The following SF3A3 variants were observed in gnomAD, a reference collection of about 807,000 sequenced individuals.
SF3A3 encodes splicing factor 3a subunit 3, also known as SAP 61.
SF3A3 carries 9 observed loss-of-function variants against 85.8 expected under a neutral mutation model. The observed-to-expected ratio is 0.10, with a 90% CI of 0.06 to 0.18. The LOEUF (loss-of-function observed/expected upper bound fraction) is 0.18. SF3A3 is among the 10% of genes least tolerant of loss of function. The probability of loss-of-function intolerance (pLI) is 1.00; values close to 1 mark genes in which losing one functional copy is unlikely to be tolerated. For synonymous variants in SF3A3, 195 were observed against 204.4 expected (o/e 0.95, Z 0.39); for missense variants, 306 against 593.3 (o/e 0.52, Z 5.03).
intron 14 of SF3A3, among the ~76,000 whole-genome samples, chr1:37,968,953 T>G (rs1254927250): frequency 2.6e-5 from 4 of 152,174 alleles, no homozygotes; most frequent in Non-Finnish European, 5.9e-5. Context: ...ATTTTTTATT[T>G]TCTCAAGAGG....
intron 15 of SF3A3, among the ~76,000 whole-genome samples, chr1:37,967,677 C>CAAAAAAAAAAAAAA (rs34369006): frequency 2.3e-5 from 1 of 44,276 alleles, no homozygotes; most frequent in Non-Finnish European, 3.7e-5. Context: ...GACTCCGTCA[C>CAAAAAAAAAAAAAA]AAAAAAAAAA....
Position 37,978,669 on chromosome 1 carries a change from T to C in SF3A3, c.935+51A>G, listed in dbSNP as rs765275440. 7 of 1,201,562 alleles carry C rather than the reference T, an allele frequency of 5.8e-6. No individual in the cohort carries two copies. In the East Asian group the frequency reaches 1.0e-4, roughly 18 times the overall value. The allele number at this position is 1,201,562 out of a possible 1,614,324, so 74.4% of individuals were successfully genotyped here. Reference sequence around the variant, plus strand: ...CTCCACTGTGGTTAAAAATTCTGCATGGGAATAACATTTAAAAGCCACAAG... The same window carrying C: ...CTCCACTGTGGTTAAAAATTCTGCACGGGAATAACATTTAAAAGCCACAAG... On this transcript the variant is annotated intron_variant, in intron 11 of 16. Coordinates refer to ENST00000373019, the MANE Select transcript of SF3A3 (RefSeq NM_006802.4).
At chr1:37,988,150 T>A (rs1394462325) in intron 2 of SF3A3, among the ~76,000 whole-genome samples, 3 of 152,176 alleles carry the variant, frequency 2.0e-5, no homozygotes, top group Non-Finnish European at 4.4e-5. Context: ...TGTAACAGAC[T>A]CACCCTCTTT....
intron 2 of SF3A3, among the ~76,000 whole-genome samples, chr1:37,988,857 T>TTTTGTG (rs1553166492): frequency 1.6e-4 from 24 of 146,662 alleles, no homozygotes; most frequent in South Asian, 4.3e-4. Context: ...ACGGGGTGTG[T>TTTTGTG]TGTGTGTGTG....
rs570774238 is a variant in SF3A3, at chr1:37,984,954, C to T, written c.304-175G>A. On this transcript the variant is annotated intron_variant, in intron 4 of 16. Transcript: ENST00000373019. ...ACCCGAGTAGCTGGGATTATAGGCA[C>T]ACACCACCACGCTTGGCTAATTCTT... Among the ~76,000 whole-genome samples the T allele has an allele frequency of 3.2e-4, 48 of 152,252 alleles. No individual in the cohort carries two copies. The South Asian group carries it at 6.8e-3, about 22-fold the overall frequency.
chr1:37,985,245 C>T lies in SF3A3; in HGVS notation c.304-466G>A, dbSNP rs182528280. Among the ~76,000 whole-genome samples, 6 of 152,330 alleles carry T rather than the reference C, an allele frequency of 3.9e-5. No individual in the cohort carries two copies. The East Asian group carries it at 1.2e-3, about 29-fold the overall frequency. ...GTTCTCCAATTACCTTGTTTTTCCC[C>T]GCTTTTTTGTACTGTTTGAGTAAAA... is the stretch of plus-strand genomic sequence containing the variant. On this transcript the variant is annotated intron_variant, in intron 4 of 16. Coordinates refer to ENST00000373019, the MANE Select transcript of SF3A3 (RefSeq NM_006802.4).
chr1:37,960,077 A>G, intron 16 of SF3A3, 43 bp downstream of exon 16: 1 of 1,553,150 alleles, frequency 6.4e-7, no homozygotes, highest in Non-Finnish European at 8.9e-7. Context: ...GGAGCTCTCT[A>G]TCACTTGACA....
intron 11 of SF3A3, among the ~76,000 whole-genome samples, chr1:37,977,603 C>A (rs1646387343): frequency 6.6e-6 from 1 of 152,076 alleles, no homozygotes; most frequent in Non-Finnish European, 1.5e-5. Flanking sequence ...CTGTGGGAGG[C>A]TGAGGCAGGT....
At chr1:37,966,988 G>A (rs1473818450) in intron 15 of SF3A3, among the ~76,000 whole-genome samples, 4 of 133,454 alleles carry the variant, frequency 3.0e-5, no homozygotes, top group Non-Finnish European at 4.7e-5. Context: ...GGTGGCTCAC[G>A]CCTGTTATCC....
rs149578081 is a variant in SF3A3 at position 37,977,402 on chromosome 1, G to A, written c.936-449C>T. Among the ~76,000 whole-genome samples, 455 of 152,214 alleles carry A rather than the reference G, an allele frequency of 3.0e-3. 3 individuals are homozygous for A. Among genetic ancestry groups the A allele is most frequent in the African/African-American group, 0.01 (436 of 41,552 alleles). ...GTTGTTGTGAGAATTAGAAAAAAAC[G>A]TACATTAAGAAAATACTGGGCCAGG... On this transcript the variant is annotated intron_variant, in intron 11 of 16. Coordinates refer to ENST00000373019, the MANE Select transcript of SF3A3 (RefSeq NM_006802.4).
At chr1:37,987,514 C>T (rs1180004189) in intron 4 of SF3A3, 59 bp downstream of exon 4, 4 of 1,257,102 alleles carry the variant, frequency 3.2e-6, no homozygotes, top group Non-Finnish European at 4.6e-6. Flanking sequence ...TTCCTTTATA[C>T]CTTTCCTTTA....
chr1:37,975,574 C>T (rs1445075682), intron 12 of SF3A3, among the ~76,000 whole-genome samples: 1 of 151,976 alleles, frequency 6.6e-6, no homozygotes, highest in Non-Finnish European at 1.5e-5. Context: ...CATGAGTGGC[C>T]TCCCAGCCAC....
At position 37,978,747 on chromosome 1, in the gene SF3A3, T is replaced by C. The variant is rs748395523; in HGVS notation, c.908A>G (p.Lys303Arg). The change falls in exon 11 of 17, where the codon AAA (lysine) becomes AGA (arginine). Residue 303 changes from lysine (K) to arginine (R), a missense_variant. Lys to Arg is a conservative substitution (Grantham distance 26). Transcript: ENST00000373019. ...LESLDTSLFA[K>R]NPKSKGTKRD... is the part of the protein sequence containing the mutation. ...CTTGGTGCCCTTTGACTTGGGATTT[T>C]TGGCAAACAAAGAGGTATCAAGTGA... is the stretch of plus-strand genomic sequence containing the variant. 5.1e-6 allele frequency: 8 copies of C among 1,567,056 alleles called. No homozygotes were observed. In the Admixed American group the frequency reaches 9.4e-5, roughly 18 times the overall value.
chr1:37,965,546 G>A (rs921740550), intron 15 of SF3A3, among the ~76,000 whole-genome samples: 1 of 151,862 alleles, frequency 6.6e-6, no homozygotes, highest in African/African-American at 2.4e-5. Flanking sequence ...TTGAGTACAG[G>A]ACTTTAAGAC....
chr1:37,964,370 C>G (rs1406311074), intron 15 of SF3A3, among the ~76,000 whole-genome samples: 1 of 152,058 alleles, frequency 6.6e-6, no homozygotes, highest in East Asian at 1.9e-4. Flanking sequence ...TTTGGGAAGC[C>G]AAGGCAGGCA....
Position 37,982,757 on chromosome 1 carries a change from T to C in SF3A3, c.469-946A>G, listed in dbSNP as rs534315579. Among the ~76,000 whole-genome samples, 14 of 152,244 alleles carry C rather than the reference T, an allele frequency of 9.2e-5. No individual in the cohort carries two copies. The South Asian group carries it at 1.7e-3, about 18-fold the overall frequency. Reference sequence around the variant, plus strand: ...AAAGATCATGTTGTTTTATTTTCCATGTACCTAGTATTGTTTGTGTCTAAA... The same window carrying C: ...AAAGATCATGTTGTTTTATTTTCCACGTACCTAGTATTGTTTGTGTCTAAA... On this transcript the variant is annotated intron_variant, in intron 6 of 16. Coordinates refer to ENST00000373019, the MANE Select transcript of SF3A3 (RefSeq NM_006802.4).
At chr1:37,967,912 A>G (rs1487190912) in intron 15 of SF3A3, 132 bp downstream of exon 15, 1 of 665,708 alleles carries the variant, frequency 1.5e-6, no homozygotes, top group African/African-American at 1.8e-5. Flanking sequence ...CAATAATTAT[A>G]CAACTGTCCT....
At position 37,990,010 on chromosome 1, in the gene SF3A3, G is replaced by A. The variant is rs768127719; in HGVS notation, c.-45C>T. ...CTCAATTCAGACCACCAACACGGCC[G>A]GAAGCAACTCCTGCCGCCCAGCGCG... On this transcript the variant is annotated 5_prime_UTR_variant, in exon 1 of 17. Transcript: ENST00000373019. 8 of 1,440,292 alleles carry A rather than the reference G, an allele frequency of 5.6e-6. No homozygotes were observed. The highest frequency in any genetic ancestry group is 4.6e-5 in the South Asian group (4 of 87,766). 89.2% of individuals were successfully genotyped at this position (1,440,292 alleles called of 1,614,324 possible).
At chr1:37,989,494 C>T (rs1373366774) in intron 2 of SF3A3, 54 bp downstream of exon 2, 1 of 1,591,492 alleles carries the variant, frequency 6.3e-7, no homozygotes, top group East Asian at 2.2e-5. Context: ...TTCACTTCCC[C>T]TCTCTTTTCC....
Sources: allele counts gnomAD v4.1 joint callset (sites outside exome capture counted in the v4.1 genomes callset), GRCh38; gene constraint gnomAD v4.1.1; transcripts MANE v1.5; gene names NCBI Gene and HGNC (gene_info 2026-07-23, HGNC 2026-07-21).